The following WDR41 variants were observed in gnomAD, a reference collection of about 807,000 sequenced individuals.
WDR41 encodes the protein WD repeat-containing protein 41.
Under a neutral mutation model 69.3 loss-of-function variants are expected in WDR41, and 63 were observed. The ratio of observed to expected loss-of-function variants is 0.91; its 90% CI spans 0.74 to 1.12. WDR41 has a LOEUF of 1.12. Among genes scored for constraint, WDR41 ranks in the 50% most tolerant of loss-of-function variants. WDR41 has a pLI of 0.00. For synonymous variants in WDR41, 185 were observed against 192.1 expected, an observed-to-expected ratio of 0.96 and a Z score of 0.31; for missense variants, 543 against 534.5, an observed-to-expected ratio of 1.02 and a Z score of -0.16.
At chr5:77,512,619 G>A (rs551458121) in intron 1 of WDR41, among the ~76,000 whole-genome samples, 18 of 151,602 alleles carry the variant, frequency 1.2e-4, no homozygotes, top group East Asian at 1.2e-3. Flanking sequence ...GGGTGGTGGC[G>A]TGCACCTGTA....
chr5:77,525,617 A>G (rs1372281690), intron 1 of WDR41, among the ~76,000 whole-genome samples: 1 of 152,194 alleles, frequency 6.6e-6, no homozygotes, highest in African/African-American at 2.4e-5. Context: ...TTGATCCCTC[A>G]GCCCTCTTCC....
At chr5:77,612,078 C>T (rs970267109) in intron 1 of WDR41, among the ~76,000 whole-genome samples, 5 of 152,104 alleles carry the variant, frequency 3.3e-5, no homozygotes, top group Non-Finnish European at 5.9e-5. Flanking sequence ...TACACCCTCC[C>T]AAGACTAAAC....
At chr5:77,582,272 C>G in intron 1 of WDR41, 1 of 1,092,772 alleles carries the variant, frequency 9.2e-7, no homozygotes, top group South Asian at 1.4e-5. Context: ...ACACAAATTA[C>G]CAACTCTGGC....
intron 1 of WDR41, among the ~76,000 whole-genome samples, chr5:77,604,298 T>G (rs1364469425): frequency 6.6e-6 from 1 of 152,210 alleles, no homozygotes; most frequent in Non-Finnish European, 1.5e-5. Flanking sequence ...ACCTCCTTGG[T>G]TAAATTTATT....
intron 1 of WDR41, among the ~76,000 whole-genome samples, chr5:77,598,834 ATT>A (rs1744271961): frequency 6.6e-6 from 1 of 152,074 alleles, no homozygotes; most frequent in East Asian, 1.9e-4. Flanking sequence ...GTCCTGAAGT[ATT>A]TTAAATTCCT....
At chr5:77,578,548 A>T (rs942314476) in intron 1 of WDR41, among the ~76,000 whole-genome samples, 11 of 152,178 alleles carry the variant, frequency 7.2e-5, no homozygotes, top group African/African-American at 2.7e-4. Context: ...AAGACTTCAA[A>T]GTAGCCATTA....
intron 1 of WDR41, among the ~76,000 whole-genome samples, chr5:77,610,859 G>A (rs1429361147): frequency 1.3e-5 from 2 of 151,336 alleles, no homozygotes; most frequent in African/African-American, 4.8e-5. Flanking sequence ...ACACAGACTG[G>A]CAAATTGGAT....
intron 1 of WDR41, among the ~76,000 whole-genome samples, chr5:77,610,166 C>G (rs188783456): frequency 1.3e-5 from 2 of 152,010 alleles, no homozygotes; most frequent in Admixed American, 6.6e-5. Flanking sequence ...GTGAAAAGAC[C>G]AAATCTATGT....
At chr5:77,588,666 C>T (rs895425573) in intron 1 of WDR41, among the ~76,000 whole-genome samples, 4 of 152,108 alleles carry the variant, frequency 2.6e-5, no homozygotes, top group African/African-American at 9.7e-5. Flanking sequence ...TTTCTGCAAA[C>T]ACTGGATTAG....
At chr5:77,504,221 A>G (rs13159079) in intron 1 of WDR41, among the ~76,000 whole-genome samples, 1 of 152,240 alleles carries the variant, frequency 6.6e-6, no homozygotes, top group Non-Finnish European at 1.5e-5. Flanking sequence ...ACAGAAATAC[A>G]AACTACCATC....
intron 1 of WDR41, among the ~76,000 whole-genome samples, chr5:77,515,674 C>T (rs1581781847): frequency 6.6e-6 from 1 of 152,118 alleles, no homozygotes; most frequent in African/African-American, 2.4e-5. Context: ...ATGCATTGCA[C>T]TTTGACATCA....
intron 1 of WDR41, among the ~76,000 whole-genome samples, chr5:77,619,961 G>A (rs950510115): frequency 2.0e-5 from 3 of 151,984 alleles, no homozygotes; most frequent in Admixed American, 6.6e-5. Flanking sequence ...TAAGGGAAGA[G>A]GAAATTACTA....
chr5:77,573,311 G>T (rs536732665), intron 1 of WDR41, among the ~76,000 whole-genome samples: 61 of 151,718 alleles, frequency 4.0e-4, no homozygotes, highest in African/African-American at 1.3e-3. Context: ...GGATACATGT[G>T]CTGAATGTGC....
At chr5:77,550,786 A>G (rs1045744763) in intron 1 of WDR41, among the ~76,000 whole-genome samples, 7 of 152,252 alleles carry the variant, frequency 4.6e-5, no homozygotes, top group African/African-American at 7.2e-5. Flanking sequence ...ATGTACTCAT[A>G]TGTTCATCAC....
intron 1 of WDR41, among the ~76,000 whole-genome samples, chr5:77,535,473 C>T (rs1285724607): frequency 6.6e-6 from 1 of 152,082 alleles, no homozygotes; most frequent in Non-Finnish European, 1.5e-5. Flanking sequence ...GTTGTGCATA[C>T]GTATATCTCG....
upstream of WDR41, among the ~76,000 whole-genome samples, chr5:77,494,119 T>C (rs1486086633): frequency 1.3e-5 from 2 of 152,170 alleles, no homozygotes; most frequent in Admixed American, 6.5e-5. Context: ...GTTATAACGT[T>C]AGGATGTTAA....
At chr5:77,602,694 AAT>A (rs1356844648) in intron 1 of WDR41, among the ~76,000 whole-genome samples, 1 of 152,126 alleles carries the variant, frequency 6.6e-6, no homozygotes, top group Non-Finnish European at 1.5e-5. Flanking sequence ...TGCTATTATA[AAT>A]AGTGCAGCAA....
At chr5:77,441,799 T>C (rs1799179151) in intron 8 of WDR41, among the ~76,000 whole-genome samples, 1 of 151,850 alleles carries the variant, frequency 6.6e-6, no homozygotes, top group South Asian at 2.1e-4. Context: ...AATTTGCAAC[T>C]TGGATGACAA....
chr5:77,611,207 G>A (rs1744542391), intron 1 of WDR41, among the ~76,000 whole-genome samples: 1 of 151,850 alleles, frequency 6.6e-6, no homozygotes, highest in African/African-American at 2.4e-5. Flanking sequence ...ATTAATAATG[G>A]GAGACTTTAA....
Sources: allele counts gnomAD v4.1 joint callset (sites outside exome capture counted in the v4.1 genomes callset), GRCh38; gene constraint gnomAD v4.1.1; transcripts MANE v1.5; gene names NCBI Gene and HGNC (gene_info 2026-07-23, HGNC 2026-07-21).